The following VWA8 variants were observed in gnomAD, a reference collection of about 807,000 sequenced individuals.
The protein encoded by VWA8 is von Willebrand factor A domain-containing protein 8.
VWA8 carries 221 observed loss-of-function variants against 241.5 expected under a neutral mutation model. The ratio of observed to expected loss-of-function variants is 0.91; its 90% CI spans 0.82 to 1.02. The LOEUF is 1.02. VWA8 is among the 50% of genes least tolerant of loss of function. The pLI is 0.00. For synonymous variants in VWA8, 852 were observed against 827.1 expected (o/e 1.03, Z -0.52); for missense variants, 2,322 against 2,328.7 (o/e 1.00, Z 0.06).
At chr13:41,617,365 C>T (rs954420135) in intron 37 of VWA8, among the ~76,000 whole-genome samples, 6 of 152,214 alleles carry the variant, frequency 3.9e-5, no homozygotes, top group East Asian at 3.9e-4. Context: ...GTGATCCACC[C>T]GCCTTGGCCT....
rs190137430 is a variant in VWA8 at position 41,580,504 on chromosome 13, C to T, written c.5272-4666G>A. On this transcript the variant is annotated intron_variant, in intron 42 of 44. Coordinates refer to ENST00000379310, the MANE Select transcript of VWA8 (RefSeq NM_015058.2). ...CTGATTTGTGAGTCATATGTTTCCA[C>T]TTTCTCCTGGGAGTTAACTCAGCCT... Among the ~76,000 whole-genome samples the T allele has an allele frequency of 6.5e-3, 985 of 152,262 alleles. 12 individuals are homozygous for T. The highest frequency in any genetic ancestry group is 0.011 in the Non-Finnish European group (718 of 68,030).
intron 21 of VWA8, among the ~76,000 whole-genome samples, chr13:41,747,112 C>T (rs888496677): frequency 7.9e-5 from 12 of 152,052 alleles, no homozygotes; most frequent in Middle Eastern, 3.2e-3. Context: ...AACTTTAAAG[C>T]AGTTTTTTCC....
intron 39 of VWA8, among the ~76,000 whole-genome samples, chr13:41,608,485 T>C (rs1221516819): frequency 1.3e-5 from 2 of 152,222 alleles, no homozygotes; most frequent in Non-Finnish European, 2.9e-5. Flanking sequence ...CTTTGTGGAC[T>C]AACTGCATTT....
At chr13:41,766,241 CA>C (rs1164692604) in intron 20 of VWA8, among the ~76,000 whole-genome samples, 1 of 151,804 alleles carries the variant, frequency 6.6e-6, no homozygotes, top group Non-Finnish European at 1.5e-5. Flanking sequence ...TTCTTTACAG[CA>C]AAAGGACTTT....
chr13:41,585,021 G>A (rs868288828), intron 42 of VWA8, among the ~76,000 whole-genome samples: 5 of 151,798 alleles, frequency 3.3e-5, no homozygotes, highest in South Asian at 2.1e-4. Flanking sequence ...GTAATTTCGC[G>A]GAATTTAACT....
chr13:41,876,398 A>T (rs1309846220), intron 9 of VWA8, among the ~76,000 whole-genome samples: 2 of 151,940 alleles, frequency 1.3e-5, no homozygotes, highest in Non-Finnish European at 1.5e-5. Flanking sequence ...CTCTGCCCCA[A>T]TACATTGTCC....
intron 37 of VWA8, among the ~76,000 whole-genome samples, chr13:41,651,585 CATAA>C (rs2139688173): frequency 6.6e-6 from 1 of 152,288 alleles, no homozygotes; most frequent in African/African-American, 2.4e-5. Context: ...ACAGACAATA[CATAA>C]ATGAATGAGT....
intron 2 of VWA8, among the ~76,000 whole-genome samples, chr13:41,944,267 A>G (rs1877744067): frequency 6.6e-6 from 1 of 152,116 alleles, no homozygotes; most frequent in Non-Finnish European, 1.5e-5. Context: ...AACTCTGGAA[A>G]TCAAAAAGTT....
At position 41,567,571 on chromosome 13, in the gene VWA8, T is replaced by G. The variant is rs1010274462; in HGVS notation, c.*626A>C. The G allele has an allele frequency of 2.0e-5, 3 of 152,340 alleles. No individual in the cohort carries two copies. Among genetic ancestry groups the G allele is most frequent in the Admixed American group, 2.0e-4 (3 of 15,304 alleles). 9.4% of individuals were successfully genotyped at this position (152,340 alleles called of 1,614,324 possible). Reference sequence around the variant, plus strand: ...AAAAGTCACGTGGAAAGGCAAGCACTCCAAGGATTTTTTGATTCCTTTTGG... The same window carrying G: ...AAAAGTCACGTGGAAAGGCAAGCACGCCAAGGATTTTTTGATTCCTTTTGG... On this transcript the variant is annotated 3_prime_UTR_variant, in exon 45 of 45. Transcript: ENST00000379310.
chr13:41,783,552 C>T (rs1390901641), intron 19 of VWA8, among the ~76,000 whole-genome samples: 4 of 150,984 alleles, frequency 2.6e-5, no homozygotes, highest in East Asian at 1.9e-4. Context: ...GTAGAAGAAT[C>T]GCTTGAACCT....
At chr13:41,742,170 G>T (rs74411552) in intron 21 of VWA8, among the ~76,000 whole-genome samples, 1,650 of 152,294 alleles carry the variant, frequency 0.011, 32 homozygotes, top group African/African-American at 0.038. Flanking sequence ...TCATTTCATG[G>T]AAAATATGAA....
At chr13:41,795,436 C>T (rs1869647516) in intron 17 of VWA8, among the ~76,000 whole-genome samples, 1 of 152,204 alleles carries the variant, frequency 6.6e-6, no homozygotes, top group Admixed American at 6.5e-5. Flanking sequence ...CCCAGCAATC[C>T]CATTATTGGG....
At chr13:41,573,759 G>A (rs1169466306) in intron 43 of VWA8, among the ~76,000 whole-genome samples, 4 of 150,754 alleles carry the variant, frequency 2.7e-5, no homozygotes, top group African/African-American at 7.3e-5. Flanking sequence ...CTGGGATTGC[G>A]GGTGCCCGCC....
intron 9 of VWA8, among the ~76,000 whole-genome samples, chr13:41,877,155 C>A (rs1409246717): frequency 6.6e-6 from 1 of 152,052 alleles, no homozygotes; most frequent in Admixed American, 6.6e-5. Context: ...CAAATGTGAT[C>A]CTTCTCCCAC....
intron 23 of VWA8, among the ~76,000 whole-genome samples, chr13:41,728,155 T>C (rs116674011): frequency 0.28 from 42,041 of 151,584 alleles, 6,234 homozygotes; most frequent in Non-Finnish European, 0.33. Flanking sequence ...CTACTCTCAT[T>C]TTTTTATGAT....
chr13:41,587,429 A>G (rs2044425746), intron 42 of VWA8, 83 bp downstream of exon 42: 1 of 1,557,644 alleles, frequency 6.4e-7, no homozygotes, highest in African/African-American at 1.4e-5. Context: ...GAAGATTTTC[A>G]TTCACTCTGG....
At position 41,855,345 on chromosome 13, in the gene VWA8, T is replaced by G. The variant is rs372617954; in HGVS notation, c.1425+10391A>C. 2.1e-4 allele frequency among the ~76,000 whole-genome samples: 31 copies of G among 145,174 alleles called. No individual in the cohort carries two copies. The South Asian group carries it at 6.5e-3, about 31-fold the overall frequency. On this transcript the variant is annotated intron_variant, in intron 12 of 44. Coordinates refer to ENST00000379310, the MANE Select transcript of VWA8 (RefSeq NM_015058.2). ...TTATATATATATAATATATAATATA[T>G]AAATATATATTAATATATATTAATA... is the stretch of plus-strand genomic sequence containing the variant.
Position 41,568,139 on chromosome 13 carries a change from C to T in VWA8, c.*58G>A. ...TCCATATCTTCTTTTTTTCAGAATA[C>T]TCTTTATTCCTGTCTTATTTCAAAT... On this transcript the variant is annotated 3_prime_UTR_variant, in exon 45 of 45. Transcript: ENST00000379310. 4 of 1,420,110 alleles carry T rather than the reference C, an allele frequency of 2.8e-6. No individual in the cohort carries two copies. The highest frequency in any genetic ancestry group is 2.8e-5 in the African/African-American group (2 of 70,246). The allele number at this position is 1,420,110 out of a possible 1,614,324, so 88.0% of individuals were successfully genotyped here. A position where few individuals can be genotyped will look rare whatever the true frequency, so the allele number is the denominator to read the frequency against.
intron 14 of VWA8, among the ~76,000 whole-genome samples, chr13:41,827,652 A>G (rs1871237207): frequency 6.6e-6 from 1 of 152,202 alleles, no homozygotes; most frequent in African/African-American, 2.4e-5. Flanking sequence ...CATTGCTATG[A>G]TCTCTCTCCA....
Sources: allele counts gnomAD v4.1 joint callset (sites outside exome capture counted in the v4.1 genomes callset), GRCh38; gene constraint gnomAD v4.1.1; transcripts MANE v1.5; gene names NCBI Gene and HGNC (gene_info 2026-07-23, HGNC 2026-07-21).